Variants in NDNF observed in about 807,000 individuals in gnomAD.
NDNF encodes protein NDNF.
A neutral mutation model predicts 42.0 loss-of-function variants in NDNF; 16 were observed. That is an observed-to-expected ratio of 0.38 (90% CI 0.26 to 0.58). The LOEUF (loss-of-function observed/expected upper bound fraction) is 0.58, where lower values mean the gene tolerates loss of function less well. Ranked by LOEUF, NDNF falls within the 20% of genes least tolerant of loss-of-function variation. The probability of loss-of-function intolerance (pLI) is 0.67; values close to 1 mark genes in which losing one functional copy is unlikely to be tolerated. For synonymous variants in NDNF, 248 were observed against 251.7 expected, an observed-to-expected ratio of 0.99 and a Z score of 0.14; for missense variants, 616 against 666.2, an observed-to-expected ratio of 0.92 and a Z score of 0.83.
intron 2 of NDNF, among the ~76,000 whole-genome samples, chr4:121,042,548 C>A (rs1727016950): frequency 6.6e-6 from 1 of 152,130 alleles, no homozygotes; most frequent in African/African-American, 2.4e-5. Context: ...GTTTAATGTA[C>A]CATAAGCATT....
intron 1 of NDNF, among the ~76,000 whole-genome samples, chr4:121,067,259 G>A (rs1248905469): frequency 6.6e-6 from 1 of 152,048 alleles, no homozygotes; most frequent in Non-Finnish European, 1.5e-5. Flanking sequence ...AGAGACATTT[G>A]ATAAATTATA....
intron 1 of NDNF, among the ~76,000 whole-genome samples, chr4:121,061,827 TA>T (rs1185680052): frequency 6.6e-6 from 1 of 152,232 alleles, no homozygotes; most frequent in African/African-American, 2.4e-5. Flanking sequence ...GTCAAAGATC[TA>T]AGTTGAAAAG....
chr4:121,068,745 G>A (rs1311841741), intron 1 of NDNF, among the ~76,000 whole-genome samples: 1 of 152,080 alleles, frequency 6.6e-6, no homozygotes, highest in Admixed American at 6.5e-5. Context: ...GCACTACTTG[G>A]TCACTATCGA....
intron 1 of NDNF, among the ~76,000 whole-genome samples, chr4:121,050,563 A>T (rs527736800): frequency 6.6e-6 from 1 of 152,216 alleles, no homozygotes; most frequent in Non-Finnish European, 1.5e-5. Context: ...GAAAGTTGCT[A>T]GGATAATTCC....
Position 121,037,361 on chromosome 4 carries a change from A to G in NDNF, c.610T>C (p.Leu204=). The change falls in exon 4 of 4, where the codon TTG becomes CTG. Residue 204 remains leucine (L), a synonymous_variant. Transcript: ENST00000379692. ...LAWKPSPTAS[L]LKQPIQYCVV... ...CAGTACTGAATGGGTTGTTTCAGCA[A>G]AGAGGCAGTGGGGCTTGGTTTCCAG... The G allele has an allele frequency of 6.2e-7, 1 of 1,614,098 alleles. No individual in the cohort carries two copies. The highest frequency in any genetic ancestry group is 8.5e-7 in the Non-Finnish European group (1 of 1,180,018).
chr4:121,057,672 T>C (rs976971439), intron 1 of NDNF, among the ~76,000 whole-genome samples: 3 of 152,134 alleles, frequency 2.0e-5, no homozygotes, highest in African/African-American at 7.2e-5. Context: ...CTCAGCAACA[T>C]AAAGGCATAT....
At chr4:121,047,707 G>A (rs924738761) in intron 1 of NDNF, among the ~76,000 whole-genome samples, 2 of 152,160 alleles carry the variant, frequency 1.3e-5, no homozygotes, top group African/African-American at 4.8e-5. Context: ...GTTTTTTGAA[G>A]AGTTTGGATG....
intron 1 of NDNF, among the ~76,000 whole-genome samples, chr4:121,056,088 C>T (rs1292611635): frequency 6.6e-6 from 1 of 152,132 alleles, no homozygotes; most frequent in African/African-American, 2.4e-5. Context: ...AACAGATAGG[C>T]TAAATAAAAC....
At chr4:121,041,386 C>A (rs766128666) in intron 2 of NDNF, among the ~76,000 whole-genome samples, 1 of 152,158 alleles carries the variant, frequency 6.6e-6, no homozygotes, top group Non-Finnish European at 1.5e-5. Flanking sequence ...CTCTCCATAA[C>A]CCTGACCAAC....
At position 121,036,840 on chromosome 4, in the gene NDNF, A is replaced by G. The variant is rs2148761615; in HGVS notation, c.1131T>C (p.Phe377=). ...PVSSHQKVTF[F]IHSCLDAVQI... ...GGACAGCATCCAGACAAGAGTGAAT[A>G]AAGAAGGTGACTTTTTGGTGAGAAG... is the stretch of plus-strand genomic sequence containing the variant. Residue 377 remains phenylalanine (F), a synonymous_variant, in exon 4 of 4, where the codon TTT becomes TTC. Coordinates refer to ENST00000379692, the MANE Select transcript of NDNF (RefSeq NM_024574.4). 1.9e-6 allele frequency: 3 copies of G among 1,614,168 alleles called. No homozygotes were observed. The highest frequency in any genetic ancestry group is 2.5e-6 in the Non-Finnish European group (3 of 1,180,036).
At chr4:121,051,993 G>A (rs1377696052) in intron 1 of NDNF, among the ~76,000 whole-genome samples, 12 of 152,162 alleles carry the variant, frequency 7.9e-5, no homozygotes, top group Admixed American at 7.2e-4. Context: ...TAGAAGACGT[G>A]ATATAAATTA....
chr4:121,037,319 C>T lies in NDNF; in HGVS notation c.652G>A (p.Glu218Lys). ...GCACAGAGACTTTTGAAATTGTGCT[C>T]TTTGTTGATGACCACACAGTACTGA... Reference protein sequence around the residue: ...PIQYCVVINKEHNFKSLCAVE... With the variant: ...PIQYCVVINKKHNFKSLCAVE... Residue 218 changes from glutamate (E) to lysine (K), a missense_variant, in exon 4 of 4, where the codon GAG (glutamate) becomes AAG (lysine). Physicochemically the swap from Glu to Lys is moderately conservative, Grantham distance 56. Transcript: ENST00000379692. 1 of 1,614,096 alleles carries T rather than the reference C, an allele frequency of 6.2e-7. No homozygotes were observed. The highest frequency in any genetic ancestry group is 1.3e-5 in the African/African-American group (1 of 75,024).
chr4:121,060,463 G>A (rs535373363), intron 1 of NDNF, among the ~76,000 whole-genome samples: 1 of 151,824 alleles, frequency 6.6e-6, no homozygotes, highest in Non-Finnish European at 1.5e-5. Context: ...TTACAGGTGT[G>A]AGCCACCGTG....
intron 1 of NDNF, among the ~76,000 whole-genome samples, chr4:121,062,758 G>A (rs755412809): frequency 6.6e-6 from 1 of 152,012 alleles, no homozygotes; most frequent in Non-Finnish European, 1.5e-5. Flanking sequence ...GGAAAAGGCT[G>A]CAGCTGGTGA....
At position 121,036,183 on chromosome 4, in the gene NDNF, T is replaced by TGTGG. The variant is rs1579305902; in HGVS notation, c.*77_*80dup. On this transcript the variant is annotated 3_prime_UTR_variant, in exon 4 of 4. Transcript: ENST00000379692. ...AGTACAGGTCACAACTTCTCTCAAC[T>TGTGG]GTGGGAGTAGTCAGTTTATACTTAA... 3 of 1,127,414 alleles carry TGTGG rather than the reference T, an allele frequency of 2.7e-6. No individual in the cohort carries two copies. The East Asian group carries it at 7.1e-5, about 27-fold the overall frequency. 69.8% of individuals were successfully genotyped at this position (1,127,414 alleles called of 1,614,324 possible).
chr4:121,061,611 A>C (rs1727410226), intron 1 of NDNF: 1 of 152,164 alleles, frequency 6.6e-6, no homozygotes, highest in Non-Finnish European at 1.5e-5. Context: ...TTCAGGATTG[A>C]GTCTTCTTGC....
At chr4:121,068,566 C>T (rs1727537803) in intron 1 of NDNF, among the ~76,000 whole-genome samples, 1 of 152,100 alleles carries the variant, frequency 6.6e-6, no homozygotes, top group African/African-American at 2.4e-5. Context: ...TTGGGTATCC[C>T]TGCCTTTGAC....
chr4:121,043,020 G>T (rs1225966058), intron 2 of NDNF, among the ~76,000 whole-genome samples: 3 of 152,216 alleles, frequency 2.0e-5, no homozygotes, highest in East Asian at 3.9e-4. Flanking sequence ...TATGATTAGG[G>T]ATAAATGATA....
intron 2 of NDNF, among the ~76,000 whole-genome samples, chr4:121,040,809 A>T (rs1238793193): frequency 6.6e-6 from 1 of 152,052 alleles, no homozygotes; most frequent in South Asian, 2.1e-4. Context: ...TATCTGGCTA[A>T]TTTTTAAATT....
Sources: allele counts gnomAD v4.1 joint callset (sites outside exome capture counted in the v4.1 genomes callset), GRCh38; gene constraint gnomAD v4.1.1; transcripts MANE v1.5; gene names NCBI Gene and HGNC (gene_info 2026-07-23, HGNC 2026-07-21).